Variants in MID1 observed in about 807,000 individuals in gnomAD.
The protein encoded by MID1 is midline 1, also known as E3 ubiquitin-protein ligase Midline-1.
MID1 carries 7 observed loss-of-function variants against 40.4 expected under a neutral mutation model. That is an observed-to-expected ratio of 0.17 (90% CI 0.10 to 0.33). The LOEUF (loss-of-function observed/expected upper bound fraction) is 0.33. MID1 is among the 10% of genes least tolerant of loss of function. The probability of loss-of-function intolerance (pLI) is 1.00; values close to 1 mark genes in which losing one functional copy is unlikely to be tolerated. For synonymous variants in MID1, 229 were observed against 221.2 expected, an observed-to-expected ratio of 1.04 and a Z score of -0.31; for missense variants, 367 against 558.5, an observed-to-expected ratio of 0.66 and a Z score of 3.46.
At chrX:10,783,077 G>A (rs1470081353) in intron 1 of MID1, among the ~76,000 whole-genome samples, 2 of 111,977 alleles carry the variant, frequency 1.8e-5, no homozygotes, top group Admixed American at 1.9e-4. Context: ...TTGCTAGCGT[G>A]ACTGAGAAAC....
At chrX:10,580,958 A>C (rs1386369404) in intron 1 of MID1, among the ~76,000 whole-genome samples, 1 of 107,462 alleles carries the variant, frequency 9.3e-6, no homozygotes, top group Non-Finnish European at 1.9e-5. Context: ...AAAAAAAAAA[A>C]CATGTAGAGG....
chrX:10,799,208 T>C (rs750693300), intron 1 of MID1, among the ~76,000 whole-genome samples: 1 of 111,808 alleles, frequency 8.9e-6, no homozygotes, highest in Non-Finnish European at 1.9e-5. Context: ...CTTTGGTTTC[T>C]GCAGACAGCT....
At chrX:10,697,144 C>T (rs1374901878) in intron 1 of MID1, among the ~76,000 whole-genome samples, 1 of 111,380 alleles carries the variant, frequency 9.0e-6, no homozygotes, top group Non-Finnish European at 1.9e-5. Context: ...AGAAATCTAC[C>T]AGGTGGTTTT....
At chrX:10,727,093 A>C (rs370948649) in intron 1 of MID1, among the ~76,000 whole-genome samples, 1 of 106,353 alleles carries the variant, frequency 9.4e-6, no homozygotes, top group Non-Finnish European at 1.9e-5. Flanking sequence ...TGCTGTTTCT[A>C]TCTCATCATG....
At chrX:10,510,778 G>A (rs1348760034) in intron 3 of MID1, among the ~76,000 whole-genome samples, 2 of 93,837 alleles carry the variant, frequency 2.1e-5, no homozygotes, top group Non-Finnish European at 4.1e-5. Context: ...GTTGCAGTGA[G>A]CCGAGATCAC....
intron 2 of MID1, among the ~76,000 whole-genome samples, chrX:10,550,869 C>T (rs1473071071): frequency 9.0e-6 from 1 of 110,737 alleles, no homozygotes; most frequent in Non-Finnish European, 1.9e-5. Flanking sequence ...GCTAAGTTTA[C>T]CCTATGGTCC....
chrX:10,652,899 A>C (rs1936332066), intron 1 of MID1, among the ~76,000 whole-genome samples: 1 of 111,958 alleles, frequency 8.9e-6, no homozygotes, highest in Admixed American at 9.5e-5. Flanking sequence ...CCTTACACGA[A>C]AGGGTAACCT....
chrX:10,738,071 T>A (rs1407728045), intron 1 of MID1, among the ~76,000 whole-genome samples: 1 of 111,415 alleles, frequency 9.0e-6, no homozygotes, highest in Non-Finnish European at 1.9e-5. Flanking sequence ...TCCCGGGGGC[T>A]GGTCCTCTCG....
intron 1 of MID1, among the ~76,000 whole-genome samples, chrX:10,802,860 T>C (rs974891410): frequency 8.9e-6 from 1 of 112,142 alleles, no homozygotes; most frequent in Non-Finnish European, 1.9e-5. Flanking sequence ...AAGAATGGAA[T>C]TATGTCCTTT....
chrX:10,543,961 G>A (rs1250974470), intron 2 of MID1, among the ~76,000 whole-genome samples: 4 of 110,680 alleles, frequency 3.6e-5, no homozygotes, highest in Non-Finnish European at 3.8e-5. Context: ...AGCTGAGATC[G>A]TGCCACTGCA....
At chrX:10,665,567 G>A (rs1015962031) in intron 1 of MID1, among the ~76,000 whole-genome samples, 3 of 102,545 alleles carry the variant, frequency 2.9e-5, no homozygotes, top group East Asian at 6.1e-4. Context: ...TTGCTTTGTC[G>A]CCCAGGCTGG....
chrX:10,554,398 C>A lies in MID1; in HGVS notation c.660+12490G>T, dbSNP rs762561433. Among the ~76,000 whole-genome samples the A allele has an allele frequency of 8.9e-4, 100 of 112,035 alleles. 1 individual carries two copies. Among genetic ancestry groups the A allele is most frequent in the African/African-American group, 2.9e-3 (90 of 30,876 alleles). ...TAAAGCAGCATCTTGACAGATTACT[C>A]CACCTTCCTGTACTACCACTCAGCC... On this transcript the variant is annotated intron_variant, in intron 2 of 9. Coordinates refer to ENST00000317552, the MANE Select transcript of MID1 (RefSeq NM_000381.4).
At chrX:10,470,457 C>CTT (rs992470362) in intron 6 of MID1, among the ~76,000 whole-genome samples, 12 of 112,158 alleles carry the variant, frequency 1.1e-4, no homozygotes, top group African/African-American at 3.9e-4. Context: ...TGAAAAAATA[C>CTT]TTATGTTTGT....
intron 1 of MID1, among the ~76,000 whole-genome samples, chrX:10,753,282 T>C (rs2043611076): frequency 9.0e-6 from 1 of 111,201 alleles, no homozygotes; most frequent in African/African-American, 3.3e-5. Context: ...TAAACTGTTA[T>C]GATTCCTTCG....
chrX:10,468,388 G>T (rs1361380691), intron 7 of MID1, among the ~76,000 whole-genome samples: 1 of 111,964 alleles, frequency 8.9e-6, no homozygotes, highest in African/African-American at 3.2e-5. Context: ...GTTAAGCATC[G>T]TATGACTCAG....
chrX:10,510,830 C>CAAAAAAAAA (rs1185825614), intron 3 of MID1, among the ~76,000 whole-genome samples: 17 of 23,944 alleles, frequency 7.1e-4, no homozygotes, highest in African/African-American at 1.7e-3. Context: ...GACTCTGTCT[C>CAAAAAAAAA]AAAAAAAAAA....
chrX:10,744,697 T>C (rs1233742158), intron 1 of MID1, among the ~76,000 whole-genome samples: 1 of 111,119 alleles, frequency 9.0e-6, no homozygotes, highest in Non-Finnish European at 1.9e-5. Flanking sequence ...TAATGTAACC[T>C]ACATGCATGC....
chrX:10,732,865 T>TC (rs1357904608), intron 1 of MID1, among the ~76,000 whole-genome samples: 4 of 837 alleles, frequency 4.8e-3, no homozygotes, highest in African/African-American at 0.014. Context: ...TTCTTCTTCT[T>TC]TTTTTTTTTT....
chrX:10,629,136 A>C (rs1481574851), intron 1 of MID1, among the ~76,000 whole-genome samples: 1 of 111,466 alleles, frequency 9.0e-6, no homozygotes, highest in East Asian at 2.8e-4. Context: ...AAAGTCTCTC[A>C]TGTTGCACCT....
Sources: allele counts gnomAD v4.1 joint callset (sites outside exome capture counted in the v4.1 genomes callset), GRCh38; gene constraint gnomAD v4.1.1; transcripts MANE v1.5; gene names NCBI Gene and HGNC (gene_info 2026-07-23, HGNC 2026-07-21).